ZMYM2: variants seen among roughly 807,000 people sequenced by gnomAD.
ZMYM2 encodes the protein zinc finger MYM-type containing 2, also known as zinc finger MYM-type protein 2.
ZMYM2 carries 56 observed loss-of-function variants against 162.8 expected under a neutral mutation model. The observed-to-expected ratio is 0.34, with a 90% CI of 0.28 to 0.43. The LOEUF is 0.43. Among genes scored for constraint, ZMYM2 ranks in the 20% least tolerant of loss-of-function variants. ZMYM2 has a pLI of 1.00. For missense variants in ZMYM2, 1,275 were observed against 1,621.8 expected (o/e 0.79, Z 3.67); for synonymous variants, 510 against 541.6 (o/e 0.94, Z 0.81).
chr13:20,055,903 C>A (rs1036026770), intron 14 of ZMYM2, among the ~76,000 whole-genome samples: 1 of 152,016 alleles, frequency 6.6e-6, no homozygotes, highest in African/African-American at 2.4e-5. Context: ...AGCTGGCTTA[C>A]ACATTTTAAG....
At chr13:19,949,933 G>GAA in the ZMYM2 span, among the ~76,000 whole-genome samples, 4 of 147,192 alleles carry the variant, frequency 2.7e-5, no homozygotes, top group South Asian at 2.1e-4. Context: ...GAGCGAGAGA[G>GAA]AAAAAAAGAA....
intron 12 of ZMYM2, among the ~76,000 whole-genome samples, chr13:20,049,550 T>G (rs1244495933): frequency 6.6e-6 from 1 of 152,076 alleles, no homozygotes; most frequent in East Asian, 1.9e-4. Context: ...ATTTGTATTG[T>G]GTTAGGGTAT....
chr13:20,070,425 G>T, intron 21 of ZMYM2: 1 of 165,964 alleles, frequency 6.0e-6, no homozygotes, highest in East Asian at 1.8e-4. Flanking sequence ...TTGAAATTCA[G>T]AGTCTTTTGC....
intron 2 of ZMYM2, among the ~76,000 whole-genome samples, chr13:19,963,575 A>T (rs1204454821): frequency 6.6e-6 from 1 of 152,176 alleles, no homozygotes; most frequent in Non-Finnish European, 1.5e-5. Context: ...TTTTAAACAA[A>T]TCACTTCGTA....
intron 2 of ZMYM2, among the ~76,000 whole-genome samples, chr13:19,974,564 C>T (rs554934286): frequency 3.3e-5 from 5 of 150,334 alleles, no homozygotes; most frequent in South Asian, 2.1e-4. Context: ...CAGTCTCTTC[C>T]GGGTTCAAGC....
At chr13:20,001,017 G>A (rs900771086) in intron 3 of ZMYM2, among the ~76,000 whole-genome samples, 1 of 152,200 alleles carries the variant, frequency 6.6e-6, no homozygotes, top group African/African-American at 2.4e-5. Flanking sequence ...CCTCATGAAT[G>A]ATGGTGAAGG....
At chr13:20,076,514 A>AT (rs1189158075) in intron 21 of ZMYM2, among the ~76,000 whole-genome samples, 1 of 150,432 alleles carries the variant, frequency 6.6e-6, no homozygotes, top group Admixed American at 6.6e-5. Flanking sequence ...TTTTCTGTGA[A>AT]TTGCCCCATC....
At chr13:19,907,824 G>C in the ZMYM2 span, among the ~76,000 whole-genome samples, 1 of 136,310 alleles carries the variant, frequency 7.3e-6, no homozygotes, top group Non-Finnish European at 1.6e-5. Flanking sequence ...AAAAGAGAAC[G>C]AAAAAAAGGT....
intron 6 of ZMYM2, among the ~76,000 whole-genome samples, chr13:20,007,945 T>C (rs1477209292): frequency 6.6e-6 from 1 of 152,096 alleles, no homozygotes; most frequent in African/African-American, 2.4e-5. Context: ...GTGTGAGTTA[T>C]ATAGTAGTCC....
At chr13:19,977,516 G>A (rs1260884729) in intron 2 of ZMYM2, among the ~76,000 whole-genome samples, 3 of 144,662 alleles carry the variant, frequency 2.1e-5, no homozygotes, top group South Asian at 2.1e-4. Flanking sequence ...TTTTTGAGAC[G>A]GAGTCTTTCT....
At chr13:20,007,011 G>A (rs980159676) in intron 6 of ZMYM2, among the ~76,000 whole-genome samples, 34 of 152,196 alleles carry the variant, frequency 2.2e-4, no homozygotes, top group African/African-American at 7.7e-4. Flanking sequence ...AATGCTATCA[G>A]AATGATTCCT....
intron 12 of ZMYM2, among the ~76,000 whole-genome samples, chr13:20,048,951 T>G (rs1243751789): frequency 1.3e-5 from 2 of 151,976 alleles, no homozygotes; most frequent in African/African-American, 2.4e-5. Flanking sequence ...TAATAGTTCT[T>G]TTTTGCAAAT....
chr13:20,034,895 C>G (rs950393861), intron 11 of ZMYM2, among the ~76,000 whole-genome samples: 2 of 152,074 alleles, frequency 1.3e-5, no homozygotes, highest in Admixed American at 6.6e-5. Context: ...TCAAGAATTC[C>G]CTTTCCTCTT....
At chr13:20,058,244 T>G (rs1370189959) in intron 14 of ZMYM2, among the ~76,000 whole-genome samples, 3 of 152,212 alleles carry the variant, frequency 2.0e-5, no homozygotes, top group African/African-American at 7.2e-5. Flanking sequence ...AGTACCCAAG[T>G]ATTTTCATAG....
chr13:19,917,249 A>T, the ZMYM2 span, among the ~76,000 whole-genome samples: 1 of 151,958 alleles, frequency 6.6e-6, no homozygotes, highest in African/African-American at 2.4e-5. Flanking sequence ...GGCATGAGCC[A>T]CCACGCCCGG....
intron 3 of ZMYM2, among the ~76,000 whole-genome samples, chr13:19,997,019 T>A (rs1950066931): frequency 6.6e-6 from 1 of 152,210 alleles, no homozygotes; most frequent in Non-Finnish European, 1.5e-5. Context: ...CACAGCAGCC[T>A]GCGCAACACA....
At chr13:20,059,308 C>G in intron 15 of ZMYM2, 139 bp from the exon 16 acceptor site, 2 of 778,868 alleles carry the variant, frequency 2.6e-6, no homozygotes, top group Admixed American at 4.3e-5. Flanking sequence ...TTTAAGTTAC[C>G]TAACTTAAAA....
Position 20,061,036 on chromosome 13 carries a change from A to G in ZMYM2, c.2740-17A>G. Reference sequence around the variant, plus strand: ...TAATGTTTAGTAAACCTAACTCAAAATGATTTGGTTAATTAGGTGCCAGTT... The same window carrying G: ...TAATGTTTAGTAAACCTAACTCAAAGTGATTTGGTTAATTAGGTGCCAGTT... On this transcript the variant is annotated splice_polypyrimidine_tract_variant and intron_variant, in intron 16 of 24. Transcript: ENST00000610343. 6.3e-7 allele frequency: 1 copy of G among 1,596,768 alleles called. No homozygotes were observed. Among genetic ancestry groups the G allele is most frequent in the Non-Finnish European group, 8.5e-7 (1 of 1,170,934 alleles).
At chr13:20,047,444 T>C (rs1954927730) in intron 12 of ZMYM2, among the ~76,000 whole-genome samples, 1 of 152,152 alleles carries the variant, frequency 6.6e-6, no homozygotes, top group African/African-American at 2.4e-5. Context: ...CATTCCGGCT[T>C]ATCAGAAAAA....
Sources: gnomAD v4.1 joint callset for allele counts (sites outside exome capture counted in the v4.1 genomes callset) on GRCh38, gnomAD v4.1.1 for gene constraint, MANE v1.5 for transcripts, NCBI Gene and HGNC (gene_info 2026-07-23, HGNC 2026-07-21) for gene names.